The following ZNF445 variants were observed in gnomAD, a reference collection of about 807,000 sequenced individuals.
ZNF445 encodes the protein zinc finger protein 445.
In ZNF445, 19 loss-of-function variants were observed where a neutral mutation model predicts 93.9. The ratio of observed to expected loss-of-function variants is 0.20; its 90% CI spans 0.14 to 0.30. ZNF445 has a LOEUF of 0.30. ZNF445 is among the 10% of genes least tolerant of loss of function. The pLI, the probability that ZNF445 is intolerant of heterozygous loss-of-function variation, is 1.00. For missense variants in ZNF445, 1,058 were observed against 1,259.4 expected (o/e 0.84, Z 2.42); for synonymous variants, 449 against 446.3 (o/e 1.01, Z -0.08).
chr3:44,463,088 G>A (rs958384026), intron 1 of ZNF445, among the ~76,000 whole-genome samples: 10 of 151,652 alleles, frequency 6.6e-5, no homozygotes, highest in African/African-American at 1.7e-4. Flanking sequence ...CCAGGCTGGT[G>A]TACAATGGCA....
rs1176088384 is a variant in ZNF445 at position 44,448,012 on chromosome 3, C to G, written c.1659G>C (p.Leu553=). Residue 553 remains leucine (L), a synonymous_variant, in exon 8 of 8, where the codon CTG becomes CTC. Transcript: ENST00000396077. ...TTTCTCGGTGCAGACGGTAGGCTGA[C>G]AGGCGTCGGAAAGCTTTCTCACATA... The part of the protein sequence containing the change: ...CDLCEKAFRR[L]SAYRLHRETH... 9 of 1,611,410 alleles carry G rather than the reference C, an allele frequency of 5.6e-6. 1 individual carries two copies. The highest frequency in any genetic ancestry group is 3.3e-4 in the Middle Eastern group (2 of 6,062).
chr3:44,455,639 G>T lies in ZNF445; in HGVS notation c.-90C>A. The T allele has an allele frequency of 8.1e-7, 1 of 1,241,332 alleles. No homozygotes were observed. The highest frequency in any genetic ancestry group is 1.1e-6 in the Non-Finnish European group (1 of 906,892). The allele number at this position is 1,241,332 out of a possible 1,614,324, so 76.9% of individuals were successfully genotyped here. A position where few individuals can be genotyped will look rare whatever the true frequency, so the allele number is the denominator to read the frequency against. On this transcript the variant is annotated 5_prime_UTR_variant, in exon 3 of 8. Transcript: ENST00000396077. Reference sequence around the variant, plus strand: ...AAGTATCTTCTCAGCAGTCAACAATGCCAACATTTGCTGGGACATCAGAAG... The same window carrying T: ...AAGTATCTTCTCAGCAGTCAACAATTCCAACATTTGCTGGGACATCAGAAG...
rs1697721185 is a variant in ZNF445, at chr3:44,437,971, C to T, written c.*8604G>A. On this transcript the variant is annotated 3_prime_UTR_variant, in exon 8 of 8. Transcript: ENST00000396077. ...GTCTCAGCCTCATTTTCCCAGCCCTCACTCAAAATGGAGTCGCTCTGGTTC... is the reference window on the plus strand; with the variant it reads ...GTCTCAGCCTCATTTTCCCAGCCCTTACTCAAAATGGAGTCGCTCTGGTTC... 1 of 152,898 alleles carries T rather than the reference C, an allele frequency of 6.5e-6. No homozygotes were observed. Among genetic ancestry groups the T allele is most frequent in the Non-Finnish European group, 1.5e-5 (1 of 68,044 alleles). The allele number at this position is 152,898 out of a possible 1,614,324, so 9.5% of individuals were successfully genotyped here.
Position 44,445,264 on chromosome 3 carries a change from G to A in ZNF445, c.*1311C>T, listed in dbSNP as rs1191724321. 1 of 152,310 alleles carries A rather than the reference G, an allele frequency of 6.6e-6. No individual in the cohort carries two copies. The highest frequency in any genetic ancestry group is 1.5e-5 in the Non-Finnish European group (1 of 68,134). The allele number at this position is 152,310 out of a possible 1,614,324, so 9.4% of individuals were successfully genotyped here. A position where few individuals can be genotyped will look rare whatever the true frequency, so the allele number is the denominator to read the frequency against. ...CCTATAGAAAATTCAGAAACGGAGT[G>A]GGGAGGAGTCTGATTTATGGGAACT... On this transcript the variant is annotated 3_prime_UTR_variant, in exon 8 of 8. Coordinates refer to ENST00000396077, the MANE Select transcript of ZNF445 (RefSeq NM_181489.6).
intron 1 of ZNF445, among the ~76,000 whole-genome samples, chr3:44,469,855 G>A (rs1698242647): frequency 6.6e-6 from 1 of 152,212 alleles, no homozygotes; most frequent in Non-Finnish European, 1.5e-5. Context: ...TCCCTCACAA[G>A]ATGTGACACC....
At chr3:44,450,334 C>T (rs1697939825) in intron 6 of ZNF445, 113 bp downstream of exon 6, 3 of 1,333,352 alleles carry the variant, frequency 2.2e-6, no homozygotes, top group South Asian at 1.2e-5. Flanking sequence ...ATCTGGTCAG[C>T]AGTTACAGAG....
At chr3:44,465,070 A>C (rs934784278) in intron 1 of ZNF445, among the ~76,000 whole-genome samples, 3 of 151,268 alleles carry the variant, frequency 2.0e-5, no homozygotes. Flanking sequence ...CCGCCTAAAA[A>C]AAAAAAAAAA....
intron 2 of ZNF445, among the ~76,000 whole-genome samples, chr3:44,456,734 C>T (rs1046203923): frequency 6.6e-6 from 1 of 152,196 alleles, no homozygotes; most frequent in African/African-American, 2.4e-5. Context: ...GAATCCAATC[C>T]CCTAGTTGAT....
intron 1 of ZNF445, among the ~76,000 whole-genome samples, chr3:44,473,503 C>T (rs1295216841): frequency 7.9e-6 from 1 of 127,364 alleles, no homozygotes; most frequent in Non-Finnish European, 1.6e-5. Context: ...AAAATGCTTT[C>T]AGTATATATT....
In ZNF445 at chr3:44,433,144, C is replaced by T. The variant is rs954253802; in HGVS notation, c.*13431G>A. ...CATCGTTCTTTTTTTTTTTTTTTCC[C>T]GCTCTGTTGTCCAGGCTGGAGTGCA... is the stretch of plus-strand genomic sequence containing the variant. On this transcript the variant is annotated 3_prime_UTR_variant, in exon 8 of 8. Coordinates refer to ENST00000396077, the MANE Select transcript of ZNF445 (RefSeq NM_181489.6). The T allele has an allele frequency of 1.3e-4, 20 of 150,890 alleles. No individual in the cohort carries two copies. The highest frequency in any genetic ancestry group is 1.3e-3 in the Admixed American group (19 of 15,186). 9.3% of individuals were successfully genotyped at this position (150,890 alleles called of 1,614,324 possible). A position where few individuals can be genotyped will look rare whatever the true frequency, so the allele number is the denominator to read the frequency against.
rs1697887756 is a variant in ZNF445 at position 44,447,134 on chromosome 3, C to T, written c.2537G>A (p.Gly846Glu). The T allele has an allele frequency of 6.2e-7, 1 of 1,614,058 alleles. No homozygotes were observed. The highest frequency in any genetic ancestry group is 1.7e-5 in the Admixed American group (1 of 59,996). Residue 846 changes from glycine (G) to glutamate (E), a missense_variant, in exon 8 of 8, where the codon GGG becomes GAG. This residue lies in a region of ZNF445 where 387 missense variants were observed against 475.7 expected (regional missense o/e 0.81). Transcript: ENST00000396077. This position sits in a 1 kb window ranked among gnomAD's most constrained non-coding sequence, Gnocchi z 4.7. The stretch of plus-strand genomic sequence containing the variant: ...GGTTCTTTTACGTGTAAAGGTTTTC[C>T]CACATTCTTGACACCAAAAACGTTT... ...GEKRFWCQEC[G>E]KTFTRKRTLL...
At position 44,455,130 on chromosome 3, in the gene ZNF445, T is replaced by C. The variant is rs200039341; in HGVS notation, c.420A>G (p.Thr140=). 351 of 1,614,150 alleles carry C rather than the reference T, an allele frequency of 2.2e-4. 2 individuals are homozygous for C. The highest frequency in any genetic ancestry group is 1.6e-4 in the Middle Eastern group (1 of 6,062). ...ACTTGCTCACACTCACCCTCCAGGA[T>C]GTCCCATCAAGGTCCCTCTGCAGCT... The part of the protein sequence containing the change: ...LEELQRDLDG[T]SWRDPGPAQS... The change falls in exon 3 of 8, where the codon ACA becomes ACG. Residue 140 remains threonine (T), a synonymous_variant. Transcript: ENST00000396077.
Position 44,446,389 on chromosome 3 carries a change from C to A in ZNF445, c.*186G>T. Reference sequence around the variant, plus strand: ...CCAAAGGACATGGTGCTGCACTTCCCCAGCGTCACATCCTAGCAGGCAGGC... The same window carrying A: ...CCAAAGGACATGGTGCTGCACTTCCACAGCGTCACATCCTAGCAGGCAGGC... On this transcript the variant is annotated 3_prime_UTR_variant, in exon 8 of 8. Transcript: ENST00000396077. This position sits in a 1 kb window ranked among gnomAD's most constrained non-coding sequence, Gnocchi z 4.2. 1 of 795,792 alleles carries A rather than the reference C, an allele frequency of 1.3e-6. No homozygotes were observed. 49.3% of individuals were successfully genotyped at this position (795,792 alleles called of 1,614,324 possible).
Position 44,448,209 on chromosome 3 carries a change from T to C in ZNF445, c.1462A>G (p.Ser488Gly). 3 of 1,614,192 alleles carry C rather than the reference T, an allele frequency of 1.9e-6. No individual in the cohort carries two copies. Among genetic ancestry groups the C allele is most frequent in the Non-Finnish European group, 2.5e-6 (3 of 1,180,030 alleles). ...LHTVGVSFKC[S>G]DCGRTFSHSS... Reference sequence around the variant, plus strand: ...TGACTGAAAGTCCTTCCACAGTCACTGCACTTAAATGACACTCCCACTGTG... The same window carrying C: ...TGACTGAAAGTCCTTCCACAGTCACCGCACTTAAATGACACTCCCACTGTG... The change falls in exon 8 of 8, where the codon AGT (serine) becomes GGT (glycine). Residue 488 changes from serine (S) to glycine (G), a missense_variant. Ser to Gly is a moderately conservative substitution (Grantham distance 56). Transcript: ENST00000396077.
In ZNF445 at chr3:44,455,268, G is replaced by C; in HGVS notation, c.282C>G (p.Ile94Met). The C allele has an allele frequency of 1.2e-6, 2 of 1,614,224 alleles. No individual in the cohort carries two copies. Among genetic ancestry groups the C allele is most frequent in the Non-Finnish European group, 1.7e-6 (2 of 1,180,044 alleles). Residue 94 changes from isoleucine to methionine, a missense_variant, in exon 3 of 8, where the codon ATC (isoleucine) becomes ATG (methionine). By Grantham distance (10) the Ile-to-Met change is conservative. This residue lies in a region of ZNF445 where 657 missense variants were observed against 746.4 expected (regional missense o/e 0.88). Coordinates refer to ENST00000396077, the MANE Select transcript of ZNF445 (RefSeq NM_181489.6). The part of the protein sequence containing the change: ...LRPDVLSKAQ[I>M]LELLVLEQFL... ...ACTGTTCCAGCACCAGCAGCTCTAG[G>C]ATCTGTGCCTTGGAGAGAACGTCAG...
chr3:44,442,183 CG>C lies in ZNF445; in HGVS notation c.*4391del, dbSNP rs1697820679. 6.6e-6 allele frequency: 1 copy of C among 152,164 alleles called. No individual in the cohort carries two copies. The highest frequency in any genetic ancestry group is 6.5e-5 in the Admixed American group (1 of 15,270). The allele number at this position is 152,164 out of a possible 1,614,324, so 9.4% of individuals were successfully genotyped here. On this transcript the variant is annotated 3_prime_UTR_variant, in exon 8 of 8. Transcript: ENST00000396077. ...AATTTTTCATCTATCTGTGTTGAGA[CG>C]TAACTCTTTCATATTCACTTTCCAA...
intron 2 of ZNF445, among the ~76,000 whole-genome samples, chr3:44,457,104 T>G (rs1698038651): frequency 6.6e-6 from 1 of 152,050 alleles, no homozygotes; most frequent in Non-Finnish European, 1.5e-5. Flanking sequence ...CACTCTACAC[T>G]CCAGCCTGGG....
chr3:44,455,739 T>C (rs891726562), intron 2 of ZNF445, 43 bp from the exon 3 acceptor site: 10 of 577,618 alleles, frequency 1.7e-5, no homozygotes, highest in African/African-American at 3.8e-5. Flanking sequence ...TTATACATGG[T>C]GCAGTTGGAT....
At chr3:44,454,063 A>C (rs535836121) in intron 3 of ZNF445, among the ~76,000 whole-genome samples, 2 of 152,262 alleles carry the variant, frequency 1.3e-5, no homozygotes, top group South Asian at 4.1e-4. Flanking sequence ...CTGTAATCCC[A>C]GCATTTTGGG....
Sources: allele counts gnomAD v4.1 joint callset (sites outside exome capture counted in the v4.1 genomes callset), GRCh38; gene constraint gnomAD v4.1.1; regional missense constraint gnomAD v4.1.1; non-coding constraint Gnocchi (gnomAD v3.1); transcripts MANE v1.5; gene names NCBI Gene and HGNC (gene_info 2026-07-23, HGNC 2026-07-21).